DAGLB: variants seen among roughly 807,000 people sequenced by gnomAD.
DAGLB encodes the protein diacylglycerol lipase beta, also known as diacylglycerol lipase-beta.
A neutral mutation model predicts 72.1 loss-of-function variants in DAGLB; 66 were observed. That is an observed-to-expected ratio of 0.92 (90% CI 0.75 to 1.12). The LOEUF (loss-of-function observed/expected upper bound fraction) is 1.12. DAGLB is among the 50% of genes most tolerant of loss of function. The pLI is 0.00. For synonymous variants in DAGLB, 414 were observed against 359.5 expected, an observed-to-expected ratio of 1.15 and a Z score of -1.71; for missense variants, 1,065 against 884.9, an observed-to-expected ratio of 1.20 and a Z score of -2.58.
At chr7:6,420,919 G>A (rs190649673) in intron 9 of DAGLB, among the ~76,000 whole-genome samples, 1 of 152,204 alleles carries the variant, frequency 6.6e-6, no homozygotes, top group South Asian at 2.1e-4. Context: ...GCGCCCGTGG[G>A]GTGGGCCTGC....
At chr7:6,433,539 G>A (rs980686754) in intron 4 of DAGLB, among the ~76,000 whole-genome samples, 6 of 152,126 alleles carry the variant, frequency 3.9e-5, no homozygotes, top group African/African-American at 7.2e-5. Flanking sequence ...CTTGTAGCCC[G>A]TAAGAATGGA....
intron 6 of DAGLB, among the ~76,000 whole-genome samples, chr7:6,429,123 G>A (rs912211151): frequency 6.6e-6 from 1 of 151,998 alleles, no homozygotes; most frequent in Admixed American, 6.6e-5. Context: ...ATATTTAAAT[G>A]GTCTCAAGGC....
intron 2 of DAGLB, among the ~76,000 whole-genome samples, chr7:6,439,847 T>C (rs1056412145): frequency 8.0e-5 from 12 of 150,558 alleles, no homozygotes; most frequent in African/African-American, 2.9e-4. Context: ...AGGTCAGGAG[T>C]TCGAGACCAG....
At chr7:6,443,734 C>G (rs947831031) in intron 2 of DAGLB, among the ~76,000 whole-genome samples, 2 of 152,104 alleles carry the variant, frequency 1.3e-5, no homozygotes, top group African/African-American at 4.8e-5. Context: ...GATATGCATA[C>G]CTCGTCCATC....
At chr7:6,416,548 A>G (rs1783922882) in intron 11 of DAGLB, 79 bp downstream of exon 11, 1 of 1,512,506 alleles carries the variant, frequency 6.6e-7, no homozygotes, top group African/African-American at 1.4e-5. Flanking sequence ...ATCTCAGGAA[A>G]ATAAAAGAAA....
At chr7:6,439,012 G>A (rs1278278892) in intron 2 of DAGLB, among the ~76,000 whole-genome samples, 1 of 151,902 alleles carries the variant, frequency 6.6e-6, no homozygotes, top group East Asian at 1.9e-4. Context: ...TCTGAGCTCA[G>A]GGGAGGCCAA....
At chr7:6,411,604 A>G (rs836562) in intron 13 of DAGLB, among the ~76,000 whole-genome samples, 64,383 of 152,032 alleles carry the variant, frequency 0.42, 17,650 homozygotes, top group African/African-American at 0.75. Context: ...CTGGGTGACA[A>G]AGCGAGACCC....
chr7:6,438,096 CG>C (rs2115288647), intron 2 of DAGLB, among the ~76,000 whole-genome samples: 1 of 152,110 alleles, frequency 6.6e-6, no homozygotes, highest in East Asian at 1.9e-4. Context: ...AGCAAACTAT[CG>C]CAAGGACAGA....
chr7:6,415,527 G>A (rs1220306593), intron 11 of DAGLB, among the ~76,000 whole-genome samples: 1 of 150,870 alleles, frequency 6.6e-6, no homozygotes, highest in Non-Finnish European at 1.5e-5. Context: ...TCAGTATGCT[G>A]GAATCAGCAA....
rs555311320 is a variant in DAGLB at position 6,409,601 on chromosome 7, C to T, written c.*236G>A. 152 of 566,718 alleles carry T rather than the reference C, an allele frequency of 2.7e-4. 2 individuals are homozygous for T. Among genetic ancestry groups the T allele is most frequent in the South Asian group, 2.6e-3 (123 of 47,964 alleles). The allele number at this position is 566,718 out of a possible 1,614,324, so 35.1% of individuals were successfully genotyped here. A position where few individuals can be genotyped will look rare whatever the true frequency, so the allele number is the denominator to read the frequency against. On this transcript the variant is annotated 3_prime_UTR_variant, in exon 15 of 15. Transcript: ENST00000297056. ...GGCTTCCCGAGGCTGTCTCCACGGTCGCTGGGTCTCAGGAGTCGTCCTATC... is the reference window on the plus strand; with the variant it reads ...GGCTTCCCGAGGCTGTCTCCACGGTTGCTGGGTCTCAGGAGTCGTCCTATC...
At chr7:6,433,192 T>A (rs1467917931) in intron 4 of DAGLB, among the ~76,000 whole-genome samples, 7 of 152,218 alleles carry the variant, frequency 4.6e-5, no homozygotes, top group African/African-American at 1.4e-4. Context: ...ATGCTATTCG[T>A]CTGTCTTAAA....
At chr7:6,420,960 G>A (rs915269183) in intron 9 of DAGLB, among the ~76,000 whole-genome samples, 4 of 152,202 alleles carry the variant, frequency 2.6e-5, no homozygotes, top group Non-Finnish European at 5.9e-5. Context: ...ACTCTCTGCT[G>A]CTCTGAGCTT....
chr7:6,436,158 C>T (rs1784648919), intron 3 of DAGLB, among the ~76,000 whole-genome samples: 1 of 151,732 alleles, frequency 6.6e-6, no homozygotes, highest in Admixed American at 6.6e-5. Context: ...AAGAAATCTA[C>T]ATCAATACGT....
At chr7:6,434,725 CA>C in intron 4 of DAGLB, 36 bp downstream of exon 4, 1 of 1,608,766 alleles carries the variant, frequency 6.2e-7, no homozygotes, top group Non-Finnish European at 8.5e-7. Flanking sequence ...TTTACTGAAA[CA>C]GAAGAAACAG....
At chr7:6,424,985 A>T (rs923333551) in intron 7 of DAGLB, 150 bp from the exon 8 acceptor site, 7 of 707,770 alleles carry the variant, frequency 9.9e-6, no homozygotes, top group Non-Finnish European at 1.7e-5. Flanking sequence ...CTCACTACAC[A>T]GTGGGACCCA....
rs775015253 is a variant in DAGLB, at chr7:6,416,733, C to A, written c.1321G>T (p.Gly441Cys). The A allele has an allele frequency of 5.6e-6, 9 of 1,613,686 alleles. No homozygotes were observed. Among genetic ancestry groups the A allele is most frequent in the Non-Finnish European group, 7.6e-6 (9 of 1,179,836 alleles). ...IAPEYRLVIV[G>C]HSLGGGAAAL... ...GCCGCCCCGCCCCCGAGGCTGTGGC[C>A]CACTATGACCAGCCGGTACTCCTAG... is the stretch of plus-strand genomic sequence containing the variant. The change falls in exon 11 of 15, where the codon GGC becomes TGC. Residue 441 changes from glycine to cysteine, a missense_variant. Transcript: ENST00000297056.
At chr7:6,442,389 C>A (rs1160317492) in intron 2 of DAGLB, among the ~76,000 whole-genome samples, 1 of 151,820 alleles carries the variant, frequency 6.6e-6, no homozygotes, top group African/African-American at 2.4e-5. Context: ...GCATCCCTCA[C>A]AGGGAGGTAA....
rs115672443 is a variant in DAGLB at position 6,447,483 on chromosome 7, C to T, written c.95+265G>A. Among the ~76,000 whole-genome samples, 1,280 of 152,344 alleles carry T rather than the reference C, an allele frequency of 8.4e-3. 23 individuals carry two copies. The highest frequency in any genetic ancestry group is 0.029 in the African/African-American group (1,226 of 41,586). ...GCTGCACACAAAGGGGTGCTCGCGT[C>T]CTGCTGCGCGGACTTCGAAACCCCC... On this transcript the variant is annotated intron_variant, in intron 1 of 14. Coordinates refer to ENST00000297056, the MANE Select transcript of DAGLB (RefSeq NM_139179.4).
chr7:6,420,461 C>T (rs1784076104), intron 9 of DAGLB, among the ~76,000 whole-genome samples: 1 of 150,920 alleles, frequency 6.6e-6, no homozygotes, highest in Non-Finnish European at 1.5e-5. Context: ...AGAAAAGAAA[C>T]AGGCCACTGA....
Sources: gnomAD v4.1 joint callset for allele counts (sites outside exome capture counted in the v4.1 genomes callset) on GRCh38, gnomAD v4.1.1 for gene constraint, MANE v1.5 for transcripts, NCBI Gene and HGNC (gene_info 2026-07-23, HGNC 2026-07-21) for gene names.